Variants in MYO18B observed in about 807,000 individuals in gnomAD.
The protein encoded by MYO18B is myosin XVIIIB.
Under a neutral mutation model 273.0 loss-of-function variants are expected in MYO18B, and 204 were observed. The ratio of observed to expected loss-of-function variants is 0.75; its 90% CI spans 0.67 to 0.84. The LOEUF is 0.84. MYO18B is among the 40% of genes least tolerant of loss of function. The probability of loss-of-function intolerance (pLI) is 0.00; values close to 1 mark genes in which losing one functional copy is unlikely to be tolerated. For missense variants in MYO18B, 3,212 were observed against 3,287.6 expected, an observed-to-expected ratio of 0.98 and a Z score of 0.56; for synonymous variants, 1,330 against 1,305.7, an observed-to-expected ratio of 1.02 and a Z score of -0.40.
chr22:25,804,136 C>T (rs2088354135), intron 12 of MYO18B, among the ~76,000 whole-genome samples: 1 of 152,150 alleles, frequency 6.6e-6, no homozygotes, highest in Non-Finnish European at 1.5e-5. Context: ...GTGGTAAATC[C>T]ACTTTCTCTG....
rs746453019 is a variant in MYO18B, at chr22:25,828,827, T to C, written c.2838T>C (p.Ser946=). 1.9e-6 allele frequency: 3 copies of C among 1,613,928 alleles called. No individual in the cohort carries two copies. Among genetic ancestry groups the C allele is most frequent in the Non-Finnish European group, 2.5e-6 (3 of 1,179,878 alleles). The part of the protein sequence containing the change: ...LSMASIMVVD[S]PGFQNPRHQG... Reference sequence around the variant, plus strand: ...TGGCCTCCATCATGGTGGTGGACTCTCCAGGCTTCCAGAACCCCCGGCACC... The same window carrying C: ...TGGCCTCCATCATGGTGGTGGACTCCCCAGGCTTCCAGAACCCCCGGCACC... Residue 946 remains serine (S), a synonymous_variant, in exon 15 of 44, where the codon TCT becomes TCC. Coordinates refer to ENST00000335473, the MANE Select transcript of MYO18B (RefSeq NM_032608.7).
intron 17 of MYO18B, among the ~76,000 whole-genome samples, chr22:25,841,749 C>T (rs2090088420): frequency 6.6e-6 from 1 of 152,238 alleles, no homozygotes. Context: ...TCATTCAGAG[C>T]TCAGCCCTGT....
At chr22:26,012,598 G>A (rs1666042722) in intron 42 of MYO18B, among the ~76,000 whole-genome samples, 1 of 152,206 alleles carries the variant, frequency 6.6e-6, no homozygotes, top group Non-Finnish European at 1.5e-5. Context: ...TGTAGACACA[G>A]GATTTATCCT....
intron 27 of MYO18B, chr22:25,892,423 G>A (rs1158190428): frequency 6.6e-6 from 1 of 152,154 alleles, no homozygotes; most frequent in East Asian, 1.9e-4. Flanking sequence ...AGTTTCTGGA[G>A]GTGTCCTTCT....
At chr22:26,013,060 G>T (rs1935037658) in intron 42 of MYO18B, among the ~76,000 whole-genome samples, 1 of 152,002 alleles carries the variant, frequency 6.6e-6, no homozygotes, top group Non-Finnish European at 1.5e-5. Flanking sequence ...TGTGTAAATG[G>T]AAGCATCCAG....
chr22:25,921,751 T>C (rs1464287551), intron 34 of MYO18B, among the ~76,000 whole-genome samples: 2 of 148,110 alleles, frequency 1.4e-5, no homozygotes, highest in Admixed American at 6.7e-5. Context: ...TATGTGTATG[T>C]GTGTATGCGT....
At position 26,026,882 on chromosome 22, in the gene MYO18B, T is replaced by C. The variant is rs370124985; in HGVS notation, c.6908T>C (p.Leu2303Pro). Reference protein sequence around the residue: ...RAGSDEGNLSLRVGAKSPLEI... With the variant: ...RAGSDEGNLSPRVGAKSPLEI... The stretch of plus-strand genomic sequence containing the variant: ...GGCAGTGACGAGGGAAACCTCTCGC[T>C]GAGGGTTGGGGCAAAGTCACCCCTG... The change falls in exon 43 of 44, where the codon CTG becomes CCG. Residue 2303 changes from leucine to proline, a missense_variant. Leu to Pro is a moderately conservative substitution (Grantham distance 98, BLOSUM62 -3). Transcript: ENST00000335473. The C allele has an allele frequency of 9.4e-5, 150 of 1,600,972 alleles. No homozygotes were observed. Among genetic ancestry groups the C allele is most frequent in the Non-Finnish European group, 1.3e-4 (147 of 1,173,178 alleles).
chr22:25,841,432 G>T (rs992040731), intron 17 of MYO18B, among the ~76,000 whole-genome samples: 1 of 152,210 alleles, frequency 6.6e-6, no homozygotes, highest in Non-Finnish European at 1.5e-5. Context: ...TGGAAGCTGG[G>T]TACTGTTTTC....
intron 25 of MYO18B, among the ~76,000 whole-genome samples, chr22:25,885,763 T>TG (rs1198140633): frequency 6.6e-6 from 1 of 152,124 alleles, no homozygotes; most frequent in Non-Finnish European, 1.5e-5. Context: ...CTGAAACACT[T>TG]GGGGGGCCCT....
chr22:25,780,138 C>T lies in MYO18B; in HGVS notation c.2151C>T (p.Phe717=). 1 of 1,606,532 alleles carries T rather than the reference C, an allele frequency of 6.2e-7. No individual in the cohort carries two copies. The highest frequency in any genetic ancestry group is 1.7e-4 in the Middle Eastern group (1 of 6,058). The change falls in exon 9 of 44, where the codon TTC becomes TTT. Residue 717 remains phenylalanine (F), a synonymous_variant. Transcript: ENST00000335473. ...SMAHSRSATR[F]SMVMSLDFNA... ...CCCACAGCCGCAGTGCCACCCGGTT[C>T]TCCATGGTGATGTCGCTGGACTTCA...
chr22:26,000,431 C>T (rs1382499819), intron 40 of MYO18B, among the ~76,000 whole-genome samples: 1 of 152,074 alleles, frequency 6.6e-6, no homozygotes, highest in Non-Finnish European at 1.5e-5. Flanking sequence ...TCGAGGGCTC[C>T]ATGCACCATG....
Position 25,785,371 on chromosome 22 carries a change from C to A in MYO18B, c.2313-57C>A, listed in dbSNP as rs968420314. ...GCCTCACACTGTGACGACCACCTGC[C>A]CTGCCAGGGCTGGTGTGGACAGCCC... On this transcript the variant is annotated intron_variant, in intron 10 of 43. Coordinates refer to ENST00000335473, the MANE Select transcript of MYO18B (RefSeq NM_032608.7). 3.3e-6 allele frequency: 5 copies of A among 1,538,382 alleles called. No individual in the cohort carries two copies. In the Admixed American group the frequency reaches 9.6e-5, roughly 30 times the overall value.
intron 39 of MYO18B, among the ~76,000 whole-genome samples, chr22:25,957,545 C>T (rs1309012158): frequency 6.6e-6 from 1 of 152,186 alleles, no homozygotes; most frequent in East Asian, 1.9e-4. Flanking sequence ...GTGTTCGTTT[C>T]CTAGGATTGC....
In MYO18B at chr22:25,878,023, A is replaced by T; in HGVS notation, c.4289A>T (p.Gln1430Leu). 2 of 1,583,886 alleles carry T rather than the reference A, an allele frequency of 1.3e-6. No homozygotes were observed. The highest frequency in any genetic ancestry group is 1.7e-6 in the Non-Finnish European group (2 of 1,164,638). ...GAGAAGTTGCGGAATGAACTCCGGC[A>T]GAACACAGATCTGCTAGAAAGCAAG... ...KSEKLRNELR[Q>L]NTDLLESKIA... is the part of the protein sequence containing the mutation. Residue 1430 changes from glutamine (Q) to leucine (L), a missense_variant, in exon 25 of 44, where the codon CAG (glutamine) becomes CTG (leucine). Physicochemically the swap from Gln to Leu is moderately radical, Grantham distance 113 (BLOSUM62 -2). Coordinates refer to ENST00000335473, the MANE Select transcript of MYO18B (RefSeq NM_032608.7).
intron 11 of MYO18B, among the ~76,000 whole-genome samples, chr22:25,795,207 T>C (rs1402291512): frequency 1.3e-5 from 2 of 152,256 alleles, no homozygotes; most frequent in Non-Finnish European, 2.9e-5. Context: ...TTCTGTTCAC[T>C]TGACTTCTTT....
rs374505514 is a variant in MYO18B at position 25,841,522 on chromosome 22, C to T, written c.3209-2213C>T. 2.0e-5 allele frequency among the ~76,000 whole-genome samples: 3 copies of T among 151,728 alleles called. No homozygotes were observed. In the East Asian group the frequency reaches 6.2e-4, roughly 32 times the overall value. On this transcript the variant is annotated intron_variant, in intron 17 of 43. Coordinates refer to ENST00000335473, the MANE Select transcript of MYO18B (RefSeq NM_032608.7). ...AGAGGCAGGCTTTTGGACCAGCAGA[C>T]CTGTGGCCTCATCCTGCTGTGCCCC... is the stretch of plus-strand genomic sequence containing the variant.
At chr22:25,903,079 T>C (rs2091970470) in intron 30 of MYO18B, 1 of 237,560 alleles carries the variant, frequency 4.2e-6, no homozygotes, top group Non-Finnish European at 8.3e-6. Context: ...TGCAGAGAGA[T>C]TTTACTAAAA....
At chr22:25,832,003 A>G (rs772675390) in intron 15 of MYO18B, among the ~76,000 whole-genome samples, 1 of 152,202 alleles carries the variant, frequency 6.6e-6, no homozygotes, top group African/African-American at 2.4e-5. Context: ...CACAAAAAGA[A>G]GCTCACCATC....
At chr22:25,879,131 T>C (rs1220273659) in intron 25 of MYO18B, among the ~76,000 whole-genome samples, 2 of 152,134 alleles carry the variant, frequency 1.3e-5, no homozygotes, top group Admixed American at 1.3e-4. Flanking sequence ...GTAAATAAAG[T>C]TTTATTGGAA....
Sources: allele counts gnomAD v4.1 joint callset (sites outside exome capture counted in the v4.1 genomes callset), GRCh38; gene constraint gnomAD v4.1.1; transcripts MANE v1.5; gene names NCBI Gene and HGNC (gene_info 2026-07-23, HGNC 2026-07-21).